AKAP12: variants seen among roughly 807,000 people sequenced by gnomAD.
AKAP12 encodes A-kinase anchoring protein 12, also known as A-kinase anchor protein 12.
A neutral mutation model predicts 79.9 loss-of-function variants in AKAP12; 32 were observed. The ratio of observed to expected loss-of-function variants is 0.40; its 90% CI spans 0.30 to 0.54. AKAP12 has a LOEUF of 0.54. Among genes scored for constraint, AKAP12 ranks in the 20% least tolerant of loss-of-function variants. The probability of loss-of-function intolerance (pLI) is 0.48; values close to 1 mark genes in which losing one functional copy is unlikely to be tolerated. For missense variants in AKAP12, 2,074 were observed against 2,177.0 expected (o/e 0.95, Z 0.94); for synonymous variants, 808 against 857.0 (o/e 0.94, Z 1.00).
chr6:151,348,687 C>T, intron 3 of AKAP12, 24 bp from the exon 4 acceptor site: 2 of 255,372 alleles, frequency 7.8e-6, no homozygotes, highest in East Asian at 9.3e-5. Flanking sequence ...TTCTCCCCAC[C>T]CCCCCGCCCC....
At chr6:151,251,514 C>A (rs1403895780) in intron 2 of AKAP12, among the ~76,000 whole-genome samples, 1 of 152,094 alleles carries the variant, frequency 6.6e-6, no homozygotes, top group Admixed American at 6.6e-5. Context: ...AAGTCACAAA[C>A]AATGAGATTT....
intron 3 of AKAP12, among the ~76,000 whole-genome samples, chr6:151,322,719 C>G (rs559083126): frequency 6.6e-6 from 1 of 152,348 alleles, no homozygotes; most frequent in Non-Finnish European, 1.5e-5. Context: ...ACCACCCACT[C>G]CCGCCACTGG....
chr6:151,331,238 ACT>A (rs1491494497), intron 3 of AKAP12, among the ~76,000 whole-genome samples: 6 of 103,324 alleles, frequency 5.8e-5, no homozygotes, highest in African/African-American at 5.2e-4. Context: ...ATTCCATAGG[ACT>A]TTTTTTTTTA....
intron 3 of AKAP12, among the ~76,000 whole-genome samples, chr6:151,307,903 C>T (rs904398885): frequency 3.3e-5 from 5 of 152,272 alleles, no homozygotes; most frequent in South Asian, 2.1e-4. Context: ...CTCACTCTGT[C>T]GCCCAGGCTG....
At position 151,300,933 on chromosome 6, in the gene AKAP12, G is replaced by A. The variant is rs569574311; in HGVS notation, c.163-4814G>A. 4.6e-5 allele frequency among the ~76,000 whole-genome samples: 7 copies of A among 152,328 alleles called. No individual in the cohort carries two copies. The South Asian group carries it at 1.4e-3, about 32-fold the overall frequency. On this transcript the variant is annotated intron_variant, in intron 2 of 4. Coordinates refer to ENST00000402676, the MANE Select transcript of AKAP12 (RefSeq NM_005100.4). ...TAAGTGTAAGGAGCGTGTCTTTCAAGTCTAGTTCTCATCTCAAAAGAAATA... is the reference window on the plus strand; with the variant it reads ...TAAGTGTAAGGAGCGTGTCTTTCAAATCTAGTTCTCATCTCAAAAGAAATA...
At chr6:151,251,122 T>C (rs1797165491) in intron 2 of AKAP12, among the ~76,000 whole-genome samples, 5 of 152,176 alleles carry the variant, frequency 3.3e-5, no homozygotes, top group Admixed American at 3.3e-4. Context: ...GAAAGTGTTC[T>C]AGGCAGATAA....
At chr6:151,304,488 CAAAAAAAAAAAAAAAAAAA>C (rs1157088954) in intron 2 of AKAP12, among the ~76,000 whole-genome samples, 7 of 46,002 alleles carry the variant, frequency 1.5e-4, no homozygotes, top group African/African-American at 2.7e-4. Context: ...CACTCCATCT[CAAAAAAAAAAAAAAAAAAA>C]AAAAAAAAAA....
intron 2 of AKAP12, among the ~76,000 whole-genome samples, chr6:151,253,408 A>T (rs1253312317): frequency 2.6e-5 from 4 of 152,198 alleles, no homozygotes; most frequent in African/African-American, 9.7e-5. Context: ...CTTTTAAAAT[A>T]AAAAGAGACA....
chr6:151,345,932 T>TGTGTGAGAGAGAGAGAGAGAGAGAGAGA (rs1349850485), intron 3 of AKAP12, among the ~76,000 whole-genome samples: 4 of 101,376 alleles, frequency 3.9e-5, no homozygotes, highest in African/African-American at 1.7e-4. Context: ...TGTGTGTGTG[T>TGTGTGAGAGAGAGAGAGAGAGAGAGAGA]GAGAGAGAGA....
intron 2 of AKAP12, among the ~76,000 whole-genome samples, chr6:151,295,740 AC>A (rs1773896918): frequency 1.3e-5 from 2 of 152,290 alleles, no homozygotes; most frequent in East Asian, 1.9e-4. Context: ...AATAGCTCCT[AC>A]TCGGCAGTTG....
At chr6:151,311,586 G>C (rs1432944101) in intron 3 of AKAP12, among the ~76,000 whole-genome samples, 1 of 152,114 alleles carries the variant, frequency 6.6e-6, no homozygotes, top group African/African-American at 2.4e-5. Flanking sequence ...TCTTTGAGGG[G>C]ATGTATTTCT....
Position 151,305,673 on chromosome 6 carries a change from G to A in AKAP12, c.163-74G>A. On this transcript the variant is annotated intron_variant, in intron 2 of 4. Transcript: ENST00000402676. ...TTCTTCTTTCACTGGTTTGTATTCT[G>A]GAAGTTAATGCCTTGTTTCTGACTT... is the stretch of plus-strand genomic sequence containing the variant. 2 of 1,398,472 alleles carry A rather than the reference G, an allele frequency of 1.4e-6. 1 individual carries two copies. Among genetic ancestry groups the A allele is most frequent in the South Asian group, 2.8e-5 (2 of 72,404 alleles). 86.6% of individuals were successfully genotyped at this position (1,398,472 alleles called of 1,614,324 possible).
intron 2 of AKAP12, among the ~76,000 whole-genome samples, chr6:151,275,464 C>A (rs1030788887): frequency 2.6e-5 from 4 of 152,050 alleles, no homozygotes; most frequent in African/African-American, 2.4e-5. Context: ...TTATGAAAAA[C>A]AAATCTACCC....
chr6:151,298,162 AG>A (rs1212436050), intron 2 of AKAP12, among the ~76,000 whole-genome samples: 2 of 152,182 alleles, frequency 1.3e-5, no homozygotes, highest in Non-Finnish European at 2.9e-5. Flanking sequence ...AAAAAAGAAA[AG>A]AAAAGAAAAA....
intron 3 of AKAP12, among the ~76,000 whole-genome samples, chr6:151,318,901 A>G (rs752447618): frequency 2.0e-5 from 3 of 151,668 alleles, no homozygotes; most frequent in Non-Finnish European, 4.4e-5. Flanking sequence ...CTCACCATTT[A>G]CACTGTAGCC....
chr6:151,286,751 A>G (rs1776512140), intron 2 of AKAP12, among the ~76,000 whole-genome samples: 1 of 152,138 alleles, frequency 6.6e-6, no homozygotes. Flanking sequence ...AAGCAGGGTA[A>G]GTTGCCCCTC....
intron 2 of AKAP12, among the ~76,000 whole-genome samples, chr6:151,288,889 C>T (rs958619530): frequency 4.6e-5 from 7 of 152,198 alleles, no homozygotes; most frequent in South Asian, 2.1e-4. Flanking sequence ...TCGCTAGATG[C>T]GCCCTGTAGC....
chr6:151,294,322 G>A (rs1000707234), intron 2 of AKAP12, among the ~76,000 whole-genome samples: 3 of 152,106 alleles, frequency 2.0e-5, no homozygotes, highest in African/African-American at 7.2e-5. Context: ...TCTTAACCAG[G>A]AATGTTATCA....
At chr6:151,348,680 T>TCTCCCCCC in intron 3 of AKAP12, 31 bp from the exon 4 acceptor site, 3 of 355,200 alleles carry the variant, frequency 8.4e-6, no homozygotes, top group South Asian at 5.9e-5. Flanking sequence ...TTTTCTCTTC[T>TCTCCCCCC]CCCCACCCCC....
Sources: gnomAD v4.1 joint callset for allele counts (sites outside exome capture counted in the v4.1 genomes callset) on GRCh38, gnomAD v4.1.1 for gene constraint, MANE v1.5 for transcripts, NCBI Gene and HGNC (gene_info 2026-07-23, HGNC 2026-07-21) for gene names.